The following TTC9 variants were observed in gnomAD, a reference collection of about 807,000 sequenced individuals.
The protein encoded by TTC9 is tetratricopeptide repeat protein 9A.
In TTC9, 13 loss-of-function variants were observed where a neutral mutation model predicts 22.9. That is an observed-to-expected ratio of 0.57 (90% confidence interval 0.37 to 0.90). The LOEUF (loss-of-function observed/expected upper bound fraction) is 0.90. TTC9 is among the 40% of genes least tolerant of loss of function. The pLI is 0.01. For missense variants in TTC9, 280 were observed against 291.8 expected (o/e 0.96, Z 0.29); for synonymous variants, 148 against 133.2 (o/e 1.11, Z -0.77).
chr14:70,664,445 G>T (rs184188121), intron 1 of TTC9, among the ~76,000 whole-genome samples: 4 of 152,212 alleles, frequency 2.6e-5, no homozygotes, highest in African/African-American at 9.6e-5. Context: ...CCTGGCCTGG[G>T]CCGGGTGTAG....
chr14:70,667,242 C>T (rs1382488013), intron 1 of TTC9, among the ~76,000 whole-genome samples: 11 of 152,230 alleles, frequency 7.2e-5, no homozygotes, highest in Admixed American at 3.9e-4. Flanking sequence ...ACTTGATCAC[C>T]TCTGTAAAGA....
intron 1 of TTC9, among the ~76,000 whole-genome samples, chr14:70,643,328 G>T (rs1179557236): frequency 4.6e-5 from 7 of 152,088 alleles, no homozygotes; most frequent in African/African-American, 1.4e-4. Flanking sequence ...TTCCCTTTGG[G>T]GATAAGAGCC....
Position 70,671,185 on chromosome 14 carries a change from G to T in TTC9, c.*30G>T. The T allele has an allele frequency of 6.2e-7, 1 of 1,600,072 alleles. No individual in the cohort carries two copies. On this transcript the variant is annotated 3_prime_UTR_variant, in exon 3 of 3. Transcript: ENST00000256367. ...GAAGCAGCTCCAGAGCTGCGCCCAC[G>T]CCTGACCGGGGACTTCCAGGCATCC...
intron 1 of TTC9, among the ~76,000 whole-genome samples, chr14:70,663,572 C>G (rs1323450890): frequency 6.6e-6 from 1 of 152,214 alleles, no homozygotes; most frequent in Non-Finnish European, 1.5e-5. Context: ...TCCCATTATA[C>G]TTTAGATCAA....
At chr14:70,655,418 AAC>A (rs1886050104) in intron 1 of TTC9, among the ~76,000 whole-genome samples, 2 of 151,998 alleles carry the variant, frequency 1.3e-5, no homozygotes, top group Non-Finnish European at 2.9e-5. Flanking sequence ...AAAAAAAAAA[AAC>A]AAAGAAGAAG....
Sources: gnomAD v4.1 joint callset for allele counts (sites outside exome capture counted in the v4.1 genomes callset) on GRCh38, gnomAD v4.1.1 for gene constraint, MANE v1.5 for transcripts, NCBI Gene and HGNC (gene_info 2026-07-23, HGNC 2026-07-21) for gene names.